Variants in LGSN observed in about 807,000 individuals in gnomAD.
The protein encoded by LGSN is lengsin.
Under a neutral mutation model 19.5 loss-of-function variants are expected in LGSN, and 21 were observed. That is an observed-to-expected ratio of 1.07 (90% CI 0.76 to 1.55). The LOEUF is 1.55. LGSN is among the 40% of genes most tolerant of loss of function. The pLI is 0.00. For missense variants in LGSN, 673 were observed against 608.5 expected, an observed-to-expected ratio of 1.11 and a Z score of -1.12; for synonymous variants, 257 against 215.6, an observed-to-expected ratio of 1.19 and a Z score of -1.68.
the LGSN span, among the ~76,000 whole-genome samples, chr6:63,513,166 G>T: frequency 6.6e-6 from 1 of 152,144 alleles, no homozygotes; most frequent in East Asian, 1.9e-4. Flanking sequence ...TTGTTCCATA[G>T]CTGTCATAGT....
In LGSN at chr6:63,280,392, T is replaced by A. The variant is rs1767248603; in HGVS notation, c.1159A>T (p.Asn387Tyr). ...ATATTAAATATACAGCTGTTGTCAT[T>A]GTATCCCCATGTTGTAGGCACACTC... is the stretch of plus-strand genomic sequence containing the variant. ...KKSVPTTWGY[N>Y]DNSCIFNIKC... The change falls in exon 4 of 4, where the codon AAT (asparagine) becomes TAT (tyrosine). Residue 387 changes from asparagine (N) to tyrosine (Y), a missense_variant. Coordinates refer to ENST00000370657, the MANE Select transcript of LGSN (RefSeq NM_016571.3). 1.2e-6 allele frequency: 2 copies of A among 1,614,070 alleles called. No homozygotes were observed. Among genetic ancestry groups the A allele is most frequent in the Admixed American group, 1.7e-5 (1 of 60,014 alleles).
chr6:63,380,664 A>G, the LGSN span, among the ~76,000 whole-genome samples: 3 of 152,300 alleles, frequency 2.0e-5, no homozygotes, highest in East Asian at 1.9e-4. Context: ...TCATTGTGGC[A>G]TCAAAATAAA....
the LGSN span, among the ~76,000 whole-genome samples, chr6:63,542,022 G>GGTGTGTGTGTGTGTGT: frequency 8.6e-4 from 126 of 146,840 alleles, 1 homozygote; most frequent in African/African-American, 3.0e-3. Context: ...AAGAAACTGT[G>GGTGTGTGTGTGTGTGT]GTGTGTGTGT....
chr6:63,536,068 C>T, the LGSN span, among the ~76,000 whole-genome samples: 2 of 150,158 alleles, frequency 1.3e-5, no homozygotes, highest in African/African-American at 2.4e-5. Flanking sequence ...CCACCACTCC[C>T]GGTCTGTAAT....
At chr6:63,480,404 G>T in the LGSN span, 4 of 203,402 alleles carry the variant, frequency 2.0e-5, no homozygotes, top group East Asian at 4.7e-4. Context: ...TAGAGGAAGT[G>T]GAGCTACAGA....
the LGSN span, among the ~76,000 whole-genome samples, chr6:63,397,960 A>G: frequency 6.6e-6 from 1 of 152,010 alleles, no homozygotes; most frequent in East Asian, 1.9e-4. Context: ...GAAAAAAAAG[A>G]TTATAATGAA....
At chr6:63,300,886 C>A (rs944271516) in intron 1 of LGSN, among the ~76,000 whole-genome samples, 2 of 152,082 alleles carry the variant, frequency 1.3e-5, no homozygotes, top group African/African-American at 2.4e-5. Context: ...TTTTTATCTG[C>A]AGATACTGAT....
the LGSN span, among the ~76,000 whole-genome samples, chr6:63,514,466 G>A: frequency 6.6e-6 from 1 of 152,134 alleles, no homozygotes; most frequent in Non-Finnish European, 1.5e-5. Context: ...GACCCCAAGT[G>A]TCCGCCCACC....
At chr6:63,549,431 C>T in the LGSN span, 10 of 757,244 alleles carry the variant, frequency 1.3e-5, no homozygotes, top group Non-Finnish European at 2.4e-6. Flanking sequence ...GGATTCACCA[C>T]TTTCTTAACC....
At chr6:63,367,268 A>C in the LGSN span, among the ~76,000 whole-genome samples, 3 of 152,166 alleles carry the variant, frequency 2.0e-5, no homozygotes, top group South Asian at 2.1e-4. Context: ...ACCCCATCAA[A>C]AAGTGGGTGA....
At chr6:63,552,210 T>G in the LGSN span, among the ~76,000 whole-genome samples, 1 of 152,238 alleles carries the variant, frequency 6.6e-6, no homozygotes, top group Non-Finnish European at 1.5e-5. Context: ...ACCTGTTATT[T>G]CAATGATTGG....
the LGSN span, chr6:63,441,570 G>A: frequency 4.5e-6 from 2 of 444,438 alleles, no homozygotes; most frequent in South Asian, 1.9e-5. Flanking sequence ...AGTAGAACGA[G>A]AGGCAGAGAA....
chr6:63,498,837 G>A, the LGSN span, among the ~76,000 whole-genome samples: 84 of 152,160 alleles, frequency 5.5e-4, 1 homozygote, highest in East Asian at 0.014. Context: ...GTTGATTAAC[G>A]CAGGGAAGAC....
the LGSN span, among the ~76,000 whole-genome samples, chr6:63,486,025 C>T: frequency 2.6e-4 from 40 of 152,164 alleles, no homozygotes; most frequent in African/African-American, 7.0e-4. Context: ...CCACCACACC[C>T]GGCTGAACAT....
At chr6:63,405,597 A>G in the LGSN span, among the ~76,000 whole-genome samples, 1 of 152,156 alleles carries the variant, frequency 6.6e-6, no homozygotes, top group East Asian at 1.9e-4. Context: ...GGCTGCATAA[A>G]TGTCTTCTTT....
the LGSN span, among the ~76,000 whole-genome samples, chr6:63,520,785 C>T: frequency 6.6e-6 from 1 of 152,008 alleles, no homozygotes; most frequent in Non-Finnish European, 1.5e-5. Context: ...AGTTACTGTT[C>T]TTTTTAATTT....
intron 2 of LGSN, among the ~76,000 whole-genome samples, chr6:63,294,638 C>T (rs1767905453): frequency 6.6e-6 from 1 of 152,054 alleles, no homozygotes; most frequent in African/African-American, 2.4e-5. Flanking sequence ...TGTCTCTCTT[C>T]CTACTCATAC....
At chr6:63,456,522 G>A in the LGSN span, among the ~76,000 whole-genome samples, 1 of 150,622 alleles carries the variant, frequency 6.6e-6, no homozygotes, top group Non-Finnish European at 1.5e-5. Flanking sequence ...CCACACAAAC[G>A]ATCTTCTTGT....
the LGSN span, among the ~76,000 whole-genome samples, chr6:63,536,237 G>A: frequency 6.6e-6 from 1 of 152,182 alleles, no homozygotes; most frequent in Non-Finnish European, 1.5e-5. Flanking sequence ...GGCTGAGGCA[G>A]GAGAATCGCT....
Sources: allele counts gnomAD v4.1 joint callset (sites outside exome capture counted in the v4.1 genomes callset), GRCh38; gene constraint gnomAD v4.1.1; transcripts MANE v1.5; gene names NCBI Gene and HGNC (gene_info 2026-07-23, HGNC 2026-07-21).